Variants in KMT5A observed in about 807,000 individuals in gnomAD.
KMT5A encodes lysine methyltransferase 5A.
In KMT5A, 6 loss-of-function variants were observed where a neutral mutation model predicts 40.6. The observed-to-expected ratio is 0.15, with a 90% CI of 0.08 to 0.29. The LOEUF (loss-of-function observed/expected upper bound fraction) is 0.29. Among genes scored for constraint, KMT5A ranks in the 10% least tolerant of loss-of-function variants. The probability of loss-of-function intolerance (pLI) is 1.00; values close to 1 mark genes in which losing one functional copy is unlikely to be tolerated. For synonymous variants in KMT5A, 153 were observed against 178.8 expected, an observed-to-expected ratio of 0.86 and a Z score of 1.15; for missense variants, 308 against 459.1, an observed-to-expected ratio of 0.67 and a Z score of 3.01.
intron 5 of KMT5A, among the ~76,000 whole-genome samples, chr12:123,400,690 G>A (rs1009193372): frequency 6.6e-6 from 1 of 152,082 alleles, no homozygotes; most frequent in Non-Finnish European, 1.5e-5. Context: ...AAGTTGCAAA[G>A]ATAATACAGA....
chr12:123,395,415 G>A (rs1055142534), intron 4 of KMT5A, 149 bp downstream of exon 4: 14 of 800,732 alleles, frequency 1.7e-5, no homozygotes, highest in African/African-American at 1.7e-4. Context: ...TCATCAGCAG[G>A]GATGCCACTG....
intron 6 of KMT5A, among the ~76,000 whole-genome samples, chr12:123,404,035 A>G (rs1878364030): frequency 6.6e-6 from 1 of 151,310 alleles, no homozygotes; most frequent in African/African-American, 2.4e-5. Flanking sequence ...CCTGGCAGCC[A>G]CTCAGCTGCT....
chr12:123,390,820 G>A (rs778836737), intron 3 of KMT5A, 34 bp downstream of exon 3: 4 of 1,608,490 alleles, frequency 2.5e-6, no homozygotes, highest in African/African-American at 2.7e-5. Context: ...TCTGATCCCA[G>A]CTGGTCGGGT....
intron 5 of KMT5A, among the ~76,000 whole-genome samples, chr12:123,401,199 A>G (rs1878136529): frequency 9.0e-6 from 1 of 111,140 alleles, no homozygotes; most frequent in Non-Finnish European, 1.6e-5. Context: ...CCAAGGCTGG[A>G]GTGCAGTGGC....
At chr12:123,394,094 A>AT (rs1190709290) in intron 3 of KMT5A, among the ~76,000 whole-genome samples, 8 of 115,596 alleles carry the variant, frequency 6.9e-5, no homozygotes, top group East Asian at 2.4e-4. Flanking sequence ...TATTTACTTA[A>AT]TTTTTTTTTC....
intron 3 of KMT5A, among the ~76,000 whole-genome samples, chr12:123,392,175 G>C (rs1877364891): frequency 6.6e-6 from 1 of 152,180 alleles, no homozygotes; most frequent in South Asian, 2.1e-4. Context: ...TGGACTGCCA[G>C]CTCATCCCTG....
At chr12:123,394,800 A>G (rs899577744) in intron 3 of KMT5A, among the ~76,000 whole-genome samples, 2 of 151,946 alleles carry the variant, frequency 1.3e-5, no homozygotes, top group Non-Finnish European at 2.9e-5. Flanking sequence ...CAGGCTCTCT[A>G]TCTCCCACGT....
At chr12:123,406,586 T>C (rs991288421) in intron 7 of KMT5A, among the ~76,000 whole-genome samples, 9 of 152,202 alleles carry the variant, frequency 5.9e-5, no homozygotes, top group Non-Finnish European at 1.3e-4. Context: ...AGTGCTGGGA[T>C]TACAGGCGTG....
chr12:123,404,541 G>A (rs903527902), intron 6 of KMT5A, among the ~76,000 whole-genome samples: 2 of 152,190 alleles, frequency 1.3e-5, no homozygotes, highest in African/African-American at 4.8e-5. Flanking sequence ...CCTCAGACAC[G>A]TGGTTGTGCC....
rs1413893681 is a variant in KMT5A at position 123,407,867 on chromosome 12, C to T, written c.*164C>T. The T allele has an allele frequency of 1.7e-6, 1 of 604,552 alleles. No homozygotes were observed. The highest frequency in any genetic ancestry group is 1.9e-5 in the African/African-American group (1 of 53,974). The allele number at this position is 604,552 out of a possible 1,614,324, so 37.4% of individuals were successfully genotyped here. A position where few individuals can be genotyped will look rare whatever the true frequency, so the allele number is the denominator to read the frequency against. On this transcript the variant is annotated 3_prime_UTR_variant, in exon 8 of 8. Transcript: ENST00000402868. ...CCTTTTCACTGTAGTATTTAAATAT[C>T]TGTTACAGGTTTCCAAGGTGGACTT...
chr12:123,408,516 CAG>C lies in KMT5A; in HGVS notation c.*815_*816del, dbSNP rs1453876449. On this transcript the variant is annotated 3_prime_UTR_variant, in exon 8 of 8. Transcript: ENST00000402868. ...AAAAAATTAAAAATAAAAAAAACCA[CAG>C]AAAACAACTTTACATGTATATAGGT... is the stretch of plus-strand genomic sequence containing the variant. The C allele has an allele frequency of 7.0e-6, 1 of 142,338 alleles. No homozygotes were observed. The highest frequency in any genetic ancestry group is 1.5e-5 in the Non-Finnish European group (1 of 65,500). 8.8% of individuals were successfully genotyped at this position (142,338 alleles called of 1,614,324 possible).
intron 2 of KMT5A, chr12:123,389,995 C>T: frequency 2.2e-6 from 1 of 458,894 alleles, no homozygotes; most frequent in South Asian, 1.6e-5. Flanking sequence ...CCGCCCCGTC[C>T]ACTCTCTTAC....
At chr12:123,395,845 G>A (rs527858523) in intron 4 of KMT5A, among the ~76,000 whole-genome samples, 2 of 152,158 alleles carry the variant, frequency 1.3e-5, no homozygotes, top group African/African-American at 4.8e-5. Flanking sequence ...TTACAGGCGT[G>A]AACCACCATG....
chr12:123,402,038 A>T (rs534339739), intron 5 of KMT5A, among the ~76,000 whole-genome samples: 101 of 152,268 alleles, frequency 6.6e-4, no homozygotes, highest in Admixed American at 6.1e-3. Context: ...GGTGTACGCC[A>T]CCACACCTAG....
rs1324672240 is a variant in KMT5A, at chr12:123,407,520, C to G, written c.876C>G (p.Arg292=). ...TGGATGCAACTAGAGAGACAAATCG[C>G]CTAGGAAGACTGATCAATCACAGCA... ...YCVDATRETN[R]LGRLINHSKC... is the part of the protein sequence containing the mutation. Residue 292 remains arginine, a synonymous_variant, in exon 8 of 8, where the codon CGC becomes CGG. Coordinates refer to ENST00000402868, the MANE Select transcript of KMT5A (RefSeq NM_020382.7). 6.2e-7 allele frequency: 1 copy of G among 1,613,814 alleles called. No individual in the cohort carries two copies. Among genetic ancestry groups the G allele is most frequent in the African/African-American group, 1.3e-5 (1 of 74,906 alleles).
intron 2 of KMT5A, 80 bp from the exon 3 acceptor site, chr12:123,390,550 C>G (rs1396204742): frequency 1.3e-6 from 2 of 1,528,480 alleles, no homozygotes; most frequent in South Asian, 1.2e-5. Context: ...TGATTTTCAT[C>G]TTTTGTATTC....
At chr12:123,403,131 G>C (rs530178723) in intron 5 of KMT5A, among the ~76,000 whole-genome samples, 1 of 152,118 alleles carries the variant, frequency 6.6e-6, no homozygotes. Flanking sequence ...TCTCGAACTC[G>C]TGACCTTACG....
intron 1 of KMT5A, among the ~76,000 whole-genome samples, chr12:123,387,651 G>C (rs1482348569): frequency 6.6e-6 from 1 of 152,208 alleles, no homozygotes; most frequent in Non-Finnish European, 1.5e-5. Flanking sequence ...GCTAAAGCAT[G>C]AGCTGATTTG....
intron 5 of KMT5A, among the ~76,000 whole-genome samples, chr12:123,400,810 T>G (rs1878098826): frequency 6.6e-6 from 1 of 152,010 alleles, no homozygotes; most frequent in Non-Finnish European, 1.5e-5. Context: ...GAAGTTTTTT[T>G]TTTGTTTTTT....
Sources: gnomAD v4.1 joint callset for allele counts (sites outside exome capture counted in the v4.1 genomes callset) on GRCh38, gnomAD v4.1.1 for gene constraint, MANE v1.5 for transcripts, NCBI Gene and HGNC (gene_info 2026-07-23, HGNC 2026-07-21) for gene names.